RAB8B: variants seen among roughly 807,000 people sequenced by gnomAD.
RAB8B encodes the protein RAB8B, member RAS oncogene family, also known as ras-related protein Rab-8B.
Under a neutral mutation model 32.0 loss-of-function variants are expected in RAB8B, and 11 were observed. The ratio of observed to expected loss-of-function variants is 0.34; its 90% CI spans 0.22 to 0.57. RAB8B has a LOEUF of 0.57. Ranked by LOEUF, RAB8B falls within the 20% of genes least tolerant of loss-of-function variation. The pLI, the probability that RAB8B is intolerant of heterozygous loss-of-function variation, is 0.86. For missense variants in RAB8B, 190 were observed against 258.5 expected (o/e 0.73, Z 1.82); for synonymous variants, 103 against 89.6 (o/e 1.15, Z -0.85).
intron 1 of RAB8B, among the ~76,000 whole-genome samples, chr15:63,229,122 G>T (rs2037912454): frequency 6.6e-6 from 1 of 152,160 alleles, no homozygotes; most frequent in African/African-American, 2.4e-5. Context: ...ACTTTTAATA[G>T]CTTCAAAATA....
chr15:63,229,574 G>C lies in RAB8B; in HGVS notation c.125-15182G>C, dbSNP rs114258667. On this transcript the variant is annotated intron_variant, in intron 1 of 7. Transcript: ENST00000321437. ...AGGCGGGCAGATTGCCTGAGGTCAG[G>C]AGTTCAAGCCATTCTGGCCAACATG... Among the ~76,000 whole-genome samples the C allele has an allele frequency of 9.6e-3, 1,456 of 152,142 alleles. 26 individuals are homozygous for C. The highest frequency in any genetic ancestry group is 0.034 in the African/African-American group (1,411 of 41,510).
rs2053632 is a variant in RAB8B at position 63,264,849 on chromosome 15, T to A, written c.*1230T>A. ...TCAGTTTTCAAACAGCTGTTGTTGA[T>A]TGTGTAGAACCCAGTTCCATCTGTT... is the stretch of plus-strand genomic sequence containing the variant. On this transcript the variant is annotated 3_prime_UTR_variant, in exon 8 of 8. Transcript: ENST00000321437. The A allele has an allele frequency of 0.99, 151,810 of 152,754 alleles. 75,443 individuals carry two copies. The highest frequency in any genetic ancestry group is 1 in the East Asian group (5,196 of 5,196). The allele number at this position is 152,754 out of a possible 1,614,324, so 9.5% of individuals were successfully genotyped here. A position where few individuals can be genotyped will look rare whatever the true frequency, so the allele number is the denominator to read the frequency against.
At chr15:63,262,517 G>A (rs1350559937) in intron 6 of RAB8B, among the ~76,000 whole-genome samples, 175 bp from the exon 7 acceptor site, 1 of 151,664 alleles carries the variant, frequency 6.6e-6, no homozygotes, top group Admixed American at 6.6e-5. Flanking sequence ...TGTAGTCCCA[G>A]CTACTTAGGA....
At chr15:63,203,627 G>A (rs1490708319) in intron 1 of RAB8B, among the ~76,000 whole-genome samples, 1 of 152,210 alleles carries the variant, frequency 6.6e-6, no homozygotes, top group Non-Finnish European at 1.5e-5. Flanking sequence ...CATTTATTGA[G>A]TGCTTACTGT....
chr15:63,223,739 T>A (rs1196592601), intron 1 of RAB8B: 4 of 254,034 alleles, frequency 1.6e-5, no homozygotes, highest in African/African-American at 6.7e-5. Context: ...ACTTGGTTGT[T>A]AAGTGACACA....
intron 3 of RAB8B, among the ~76,000 whole-genome samples, chr15:63,251,677 T>C (rs2038117629): frequency 6.6e-6 from 1 of 152,202 alleles, no homozygotes; most frequent in Admixed American, 6.5e-5. Context: ...GGTAGAGATT[T>C]CTGTCTTTGT....
rs767004271 is a variant in RAB8B, at chr15:63,256,587, G to T, written c.407G>T (p.Gly136Val). Residue 136 changes from glycine (G) to valine (V), a missense_variant, in exon 5 of 8, where the codon GGG becomes GTG. Transcript: ENST00000321437. Reference protein sequence around the residue: ...NDKRQVSKERGEKLAIDYGIK... With the variant: ...NDKRQVSKERVEKLAIDYGIK... ...AAAAGACAAGTGTCAAAAGAAAGAG[G>T]GGAGAAGGTAAATGTGAATGGAATG... The T allele has an allele frequency of 2.5e-6, 4 of 1,595,506 alleles. No individual in the cohort carries two copies. The highest frequency in any genetic ancestry group is 2.6e-6 in the Non-Finnish European group (3 of 1,169,792).
intron 1 of RAB8B, among the ~76,000 whole-genome samples, chr15:63,203,829 T>C (rs931196696): frequency 1.3e-5 from 2 of 152,234 alleles, no homozygotes; most frequent in African/African-American, 4.8e-5. Flanking sequence ...AACCCCATGT[T>C]TTTTTTCAAT....
In RAB8B at chr15:63,265,370, C is replaced by T. The variant is rs1199285589; in HGVS notation, c.*1751C>T. On this transcript the variant is annotated 3_prime_UTR_variant, in exon 8 of 8. Coordinates refer to ENST00000321437, the MANE Select transcript of RAB8B (RefSeq NM_016530.3). The surrounding 1 kb of genome is among the most constrained non-coding windows in gnomAD (Gnocchi z 4.9). Reference sequence around the variant, plus strand: ...ACTTATTGTTGACAAATTTCAGCCTCCTTAATTTTTTTTTTTTTGGTAATT... The same window carrying T: ...ACTTATTGTTGACAAATTTCAGCCTTCTTAATTTTTTTTTTTTTGGTAATT... 6.6e-6 allele frequency: 1 copy of T among 151,608 alleles called. No homozygotes were observed. Among genetic ancestry groups the T allele is most frequent in the East Asian group, 1.9e-4 (1 of 5,190 alleles). 9.4% of individuals were successfully genotyped at this position (151,608 alleles called of 1,614,324 possible).
At chr15:63,210,578 A>G (rs926042607) in intron 1 of RAB8B, among the ~76,000 whole-genome samples, 4 of 152,188 alleles carry the variant, frequency 2.6e-5, no homozygotes, top group African/African-American at 7.2e-5. Context: ...CAGCTTCCCA[A>G]CCTTCTGTGG....
Position 63,256,498 on chromosome 15 carries a change from C to T in RAB8B, c.325-7C>T. The T allele has an allele frequency of 1.3e-6, 2 of 1,584,976 alleles. No homozygotes were observed. Among genetic ancestry groups the T allele is most frequent in the Non-Finnish European group, 8.5e-7 (1 of 1,169,672 alleles). On this transcript the variant is annotated splice_polypyrimidine_tract_variant and splice_region_variant and intron_variant, in intron 4 of 7. Transcript: ENST00000321437. Reference sequence around the variant, plus strand: ...TGTTTTTATAGCATGCTATTTTCTCCCTGCAGCATGCCTCTTCCGATGTCG... The same window carrying T: ...TGTTTTTATAGCATGCTATTTTCTCTCTGCAGCATGCCTCTTCCGATGTCG...
At chr15:63,246,832 G>A (rs1415255225) in intron 2 of RAB8B, among the ~76,000 whole-genome samples, 2 of 152,158 alleles carry the variant, frequency 1.3e-5, no homozygotes, top group Admixed American at 1.3e-4. Context: ...CTCCTATCCT[G>A]TGGCTGAACA....
In RAB8B at chr15:63,214,228, T is replaced by C. The variant is rs1044677161; in HGVS notation, c.124+24480T>C. On this transcript the variant is annotated intron_variant, in intron 1 of 7. Coordinates refer to ENST00000321437, the MANE Select transcript of RAB8B (RefSeq NM_016530.3). ...TAATGTAGTTATCTAGGAGTTTAAG[T>C]TTGAAAAAGAATTCAACAGTGTTGA... Among the ~76,000 whole-genome samples, 73 of 151,944 alleles carry C rather than the reference T, an allele frequency of 4.8e-4. 2 individuals carry two copies. The highest frequency in any genetic ancestry group is 2.1e-4 in the Non-Finnish European group (14 of 67,980).
At chr15:63,257,467 G>T (rs1034915499) in intron 5 of RAB8B, among the ~76,000 whole-genome samples, 1 of 151,744 alleles carries the variant, frequency 6.6e-6, no homozygotes, top group Non-Finnish European at 1.5e-5. Context: ...CGGTTTTGCC[G>T]TGCTGGCCAG....
chr15:63,235,685 T>TTA (rs1466137299), intron 1 of RAB8B, among the ~76,000 whole-genome samples: 1 of 150,346 alleles, frequency 6.7e-6, no homozygotes, highest in South Asian at 2.1e-4. Flanking sequence ...TATATATATT[T>TTA]TATATATATG....
In RAB8B at chr15:63,243,730, T is replaced by C. The variant is rs574015237; in HGVS notation, c.125-1026T>C. Among the ~76,000 whole-genome samples, 247 of 152,252 alleles carry C rather than the reference T, an allele frequency of 1.6e-3. 1 individual carries two copies. The highest frequency in any genetic ancestry group is 5.3e-3 in the Admixed American group (81 of 15,296). On this transcript the variant is annotated intron_variant, in intron 1 of 7. Transcript: ENST00000321437. ...GGCCTAATCATGAGGATTTTTTTTTTCAACATTTCTCAGTCATCTTAGTCC... is the reference window on the plus strand; with the variant it reads ...GGCCTAATCATGAGGATTTTTTTTTCCAACATTTCTCAGTCATCTTAGTCC...
chr15:63,199,538 C>G (rs902088795), intron 1 of RAB8B, among the ~76,000 whole-genome samples: 2 of 152,244 alleles, frequency 1.3e-5, no homozygotes, highest in Admixed American at 1.3e-4. Flanking sequence ...GAAATAATTT[C>G]TTTAACATGC....
Position 63,246,653 on chromosome 15 carries a change from C to T in RAB8B, c.185+1837C>T, listed in dbSNP as rs1242008484. On this transcript the variant is annotated intron_variant, in intron 2 of 7. Coordinates refer to ENST00000321437, the MANE Select transcript of RAB8B (RefSeq NM_016530.3). ...TCACTCTCCTGAAGCTCTCCAAACC[C>T]AGTCCTTTGAGTTTTTATGGAAGCT... is the stretch of plus-strand genomic sequence containing the variant. Among the ~76,000 whole-genome samples, 3 of 152,138 alleles carry T rather than the reference C, an allele frequency of 2.0e-5. No homozygotes were observed. In the East Asian group the frequency reaches 5.8e-4, roughly 29 times the overall value.
chr15:63,238,629 G>A (rs1234350601), intron 1 of RAB8B, among the ~76,000 whole-genome samples: 1 of 152,026 alleles, frequency 6.6e-6, no homozygotes, highest in African/African-American at 2.4e-5. Flanking sequence ...TTTTATTAAT[G>A]AGATAGGTTT....
Sources: gnomAD v4.1 joint callset for allele counts (sites outside exome capture counted in the v4.1 genomes callset) on GRCh38, gnomAD v4.1.1 for gene constraint, Gnocchi (gnomAD v3.1) non-coding constraint, MANE v1.5 for transcripts, NCBI Gene and HGNC (gene_info 2026-07-23, HGNC 2026-07-21) for gene names.